DDX10: variants seen among roughly 807,000 people sequenced by gnomAD.
DDX10 encodes the protein DEAD-box helicase 10.
Under a neutral mutation model 104.3 loss-of-function variants are expected in DDX10, and 74 were observed. The ratio of observed to expected loss-of-function variants is 0.71; its 90% CI spans 0.59 to 0.86. The LOEUF is 0.86. Ranked by LOEUF, DDX10 falls within the 40% of genes least tolerant of loss-of-function variation. The pLI, the probability that DDX10 is intolerant of heterozygous loss-of-function variation, is 0.00. For synonymous variants in DDX10, 351 were observed against 353.4 expected, an observed-to-expected ratio of 0.99 and a Z score of 0.08; for missense variants, 952 against 1,040.0, an observed-to-expected ratio of 0.92 and a Z score of 1.16.
intron 13 of DDX10, among the ~76,000 whole-genome samples, chr11:108,778,873 A>G (rs907820758): frequency 1.3e-5 from 2 of 152,228 alleles, no homozygotes; most frequent in African/African-American, 4.8e-5. Context: ...AAAAATGGGC[A>G]AAGGATATGA....
At chr11:108,916,640 T>C (rs186085476) in intron 16 of DDX10, among the ~76,000 whole-genome samples, 1 of 152,314 alleles carries the variant, frequency 6.6e-6, no homozygotes, top group East Asian at 1.9e-4. Context: ...TATCATTTGG[T>C]ATGAAGAATT....
At chr11:108,720,892 C>CA (rs1555018183) in intron 12 of DDX10, among the ~76,000 whole-genome samples, 2 of 111,466 alleles carry the variant, frequency 1.8e-5, no homozygotes, top group Non-Finnish European at 4.0e-5. Context: ...TGTGCCTGGC[C>CA]GGGTTTTTTT....
chr11:108,694,315 TAAAC>T (rs1409212647), intron 9 of DDX10, among the ~76,000 whole-genome samples: 2 of 152,170 alleles, frequency 1.3e-5, no homozygotes, highest in Admixed American at 6.5e-5. Flanking sequence ...TTTGAGCAGT[TAAAC>T]AATTTGTTCA....
chr11:108,691,754 C>T (rs1173559289), intron 7 of DDX10, 122 bp from the exon 8 acceptor site: 4 of 688,564 alleles, frequency 5.8e-6, no homozygotes, highest in African/African-American at 1.8e-5. Context: ...ACTTTTTTTA[C>T]TTGGTTGGAA....
intron 16 of DDX10, among the ~76,000 whole-genome samples, chr11:108,862,962 T>A (rs1862960200): frequency 6.6e-6 from 1 of 152,220 alleles, no homozygotes; most frequent in Non-Finnish European, 1.5e-5. Context: ...ACCATAGAAA[T>A]TCAGAAACAT....
At position 108,691,924 on chromosome 11, in the gene DDX10, A is replaced by C. The variant is rs766342554; in HGVS notation, c.1024A>C (p.Ile342Leu). ...VFCRLRPGVSILALHGRQQQM... is the reference protein window; with the variant it reads ...VFCRLRPGVSLLALHGRQQQM... ...TTGCCGGCTACGTCCTGGTGTTTCT[A>C]TCCTTGCACTCCATGGTCGACAGCA... Residue 342 changes from isoleucine to leucine, a missense_variant, in exon 8 of 18, where the codon ATC becomes CTC. Physicochemically the swap from Ile to Leu is conservative, Grantham distance 5. Coordinates refer to ENST00000322536, the MANE Select transcript of DDX10 (RefSeq NM_004398.4). 1 of 1,613,836 alleles carries C rather than the reference A, an allele frequency of 6.2e-7. No individual in the cohort carries two copies. The highest frequency in any genetic ancestry group is 1.1e-5 in the South Asian group (1 of 91,062).
At chr11:108,715,095 A>G (rs2094289735) in intron 10 of DDX10, among the ~76,000 whole-genome samples, 1 of 142,532 alleles carries the variant, frequency 7.0e-6, no homozygotes, top group African/African-American at 2.5e-5. Context: ...ATCTGGGCAG[A>G]GTTAGATATC....
intron 16 of DDX10, among the ~76,000 whole-genome samples, chr11:108,856,534 A>T (rs571560829): frequency 2.0e-5 from 3 of 152,168 alleles, no homozygotes; most frequent in Admixed American, 2.0e-4. Flanking sequence ...GATGCCCTGG[A>T]CTGACTTTTT....
intron 16 of DDX10, among the ~76,000 whole-genome samples, chr11:108,916,068 T>C (rs556203090): frequency 6.4e-4 from 98 of 152,142 alleles, no homozygotes; most frequent in African/African-American, 2.3e-3. Context: ...TAATTTCTAA[T>C]ACAGTAAATG....
chr11:108,797,022 T>C (rs1230652421), intron 13 of DDX10, among the ~76,000 whole-genome samples: 2 of 152,164 alleles, frequency 1.3e-5, no homozygotes, highest in African/African-American at 4.8e-5. Flanking sequence ...GTTGTTCTTA[T>C]TCTTCTCCCT....
intron 13 of DDX10, among the ~76,000 whole-genome samples, chr11:108,766,819 T>C (rs546034030): frequency 9.3e-4 from 142 of 152,296 alleles, no homozygotes; most frequent in African/African-American, 3.2e-3. Flanking sequence ...AGTGAATGAG[T>C]AACTGAGTAC....
chr11:108,688,845 G>C, intron 6 of DDX10, 91 bp from the exon 7 acceptor site: 1 of 1,392,730 alleles, frequency 7.2e-7, no homozygotes, highest in Non-Finnish European at 9.8e-7. Context: ...TGAGAGATGT[G>C]CCACTATTAA....
At chr11:108,753,749 TC>T (rs2094341263) in intron 13 of DDX10, among the ~76,000 whole-genome samples, 1 of 152,072 alleles carries the variant, frequency 6.6e-6, no homozygotes, top group African/African-American at 2.4e-5. Context: ...CTGAAATGAA[TC>T]TAGAAATTTT....
At chr11:108,932,581 C>T (rs1167098131) in intron 17 of DDX10, among the ~76,000 whole-genome samples, 1 of 151,992 alleles carries the variant, frequency 6.6e-6, no homozygotes, top group Admixed American at 6.5e-5. Flanking sequence ...CTCTAAGAAC[C>T]CAGTGTGTAG....
At chr11:108,666,478 CT>C (rs1387733190) in intron 1 of DDX10, among the ~76,000 whole-genome samples, 1 of 152,240 alleles carries the variant, frequency 6.6e-6, no homozygotes, top group East Asian at 1.9e-4. Flanking sequence ...GAGACTCTGT[CT>C]TAAACAAACA....
intron 13 of DDX10, among the ~76,000 whole-genome samples, chr11:108,749,447 T>A (rs1226658320): frequency 6.6e-6 from 1 of 152,186 alleles, no homozygotes; most frequent in East Asian, 1.9e-4. Context: ...GGTCTAAATT[T>A]AAAGTTCTTT....
chr11:108,672,689 G>C (rs2094218642), intron 1 of DDX10, among the ~76,000 whole-genome samples: 1 of 152,124 alleles, frequency 6.6e-6, no homozygotes, highest in African/African-American at 2.4e-5. Context: ...TTCCTTTTGC[G>C]AATCATGTAT....
intron 16 of DDX10, among the ~76,000 whole-genome samples, chr11:108,870,219 C>T (rs140162301): frequency 6.6e-6 from 1 of 152,244 alleles, no homozygotes; most frequent in African/African-American, 2.4e-5. Flanking sequence ...TCCAAGTCAC[C>T]ATAATCTGTA....
intron 13 of DDX10, among the ~76,000 whole-genome samples, chr11:108,774,979 T>C (rs1390154387): frequency 6.6e-6 from 1 of 152,228 alleles, no homozygotes; most frequent in East Asian, 1.9e-4. Flanking sequence ...TGGTAATTTG[T>C]AACAACTTTT....
Sources: gnomAD v4.1 joint callset for allele counts (sites outside exome capture counted in the v4.1 genomes callset) on GRCh38, gnomAD v4.1.1 for gene constraint, MANE v1.5 for transcripts, NCBI Gene and HGNC (gene_info 2026-07-23, HGNC 2026-07-21) for gene names.